RLF: variants seen among roughly 807,000 people sequenced by gnomAD.
The protein encoded by RLF is zinc finger protein Rlf.
A neutral mutation model predicts 162.9 loss-of-function variants in RLF; 7 were observed. The ratio of observed to expected loss-of-function variants is 0.04; its 90% CI spans 0.02 to 0.08. RLF has a LOEUF of 0.08. Ranked by LOEUF, RLF falls within the 10% of genes least tolerant of loss-of-function variation. The pLI, the probability that RLF is intolerant of heterozygous loss-of-function variation, is 1.00. For synonymous variants in RLF, 782 were observed against 791.5 expected, an observed-to-expected ratio of 0.99 and a Z score of 0.20; for missense variants, 1,664 against 2,244.7, an observed-to-expected ratio of 0.74 and a Z score of 5.23.
At chr1:40,223,330 TA>T (rs1643020825) in intron 6 of RLF, among the ~76,000 whole-genome samples, 2 of 152,198 alleles carry the variant, frequency 1.3e-5, no homozygotes, top group Non-Finnish European at 2.9e-5. Context: ...AGGAAACCTC[TA>T]AAATGTAAGA....
chr1:40,190,956 A>T, intron 3 of RLF, 103 bp downstream of exon 3: 1 of 587,964 alleles, frequency 1.7e-6, no homozygotes, highest in African/African-American at 1.9e-5. Flanking sequence ...CAAGTTTATT[A>T]TATATTGATA....
chr1:40,188,265 C>T (rs969072973), intron 1 of RLF, among the ~76,000 whole-genome samples: 1 of 152,128 alleles, frequency 6.6e-6, no homozygotes. Context: ...GCCAGCTTTC[C>T]ACCATCATTT....
At chr1:40,228,447 G>C (rs925218344) in intron 6 of RLF, among the ~76,000 whole-genome samples, 1 of 150,708 alleles carries the variant, frequency 6.6e-6, no homozygotes, top group African/African-American at 2.4e-5. Flanking sequence ...TGGGCGTGGT[G>C]GTGGGTGCCT....
chr1:40,180,819 A>G (rs928599811), intron 1 of RLF, among the ~76,000 whole-genome samples: 2 of 151,978 alleles, frequency 1.3e-5, no homozygotes, highest in African/African-American at 4.8e-5. Flanking sequence ...GATTTGCTGT[A>G]TTTTCTCCCA....
chr1:40,169,941 C>T (rs776043260), intron 1 of RLF, among the ~76,000 whole-genome samples: 1 of 152,056 alleles, frequency 6.6e-6, no homozygotes, highest in Non-Finnish European at 1.5e-5. Flanking sequence ...CCACCCACCT[C>T]ACCCTCCCAA....
At chr1:40,232,958 C>T (rs931983883) in intron 7 of RLF, among the ~76,000 whole-genome samples, 3 of 151,948 alleles carry the variant, frequency 2.0e-5, no homozygotes, top group Admixed American at 6.6e-5. Context: ...AAGCAATTCT[C>T]CCACCTCAGC....
rs1220270797 is a variant in RLF at position 40,238,093 on chromosome 1, C to G, written c.3391C>G (p.Leu1131Val). 6.2e-7 allele frequency: 1 copy of G among 1,614,028 alleles called. No individual in the cohort carries two copies. The highest frequency in any genetic ancestry group is 2.2e-5 in the East Asian group (1 of 44,892). The change falls in exon 8 of 8, where the codon CTT (leucine) becomes GTT (valine). Residue 1131 changes from leucine (L) to valine (V), a missense_variant. By Grantham distance (32) the Leu-to-Val change is conservative. Transcript: ENST00000372771. The surrounding 1 kb of genome is among the most constrained non-coding windows in gnomAD (Gnocchi z 5.2). Reference sequence around the variant, plus strand: ...GGCGGCTAAGCCGTTTTTCTGTGAGCTTCAAGGATGCAAATATGAATTTGT... The same window carrying G: ...GGCGGCTAAGCCGTTTTTCTGTGAGGTTCAAGGATGCAAATATGAATTTGT... ...QLAAKPFFCE[L>V]QGCKYEFVTR... is the part of the protein sequence containing the mutation.
chr1:40,195,386 T>G (rs1410219819), intron 3 of RLF, among the ~76,000 whole-genome samples: 1 of 151,378 alleles, frequency 6.6e-6, no homozygotes, highest in Non-Finnish European at 1.5e-5. Flanking sequence ...GGGTTGGAGG[T>G]TGCAGTGAGC....
Position 40,166,467 on chromosome 1 carries a change from A to G in RLF, c.237+4831A>G, listed in dbSNP as rs1230145695. 2.6e-5 allele frequency among the ~76,000 whole-genome samples: 4 copies of G among 152,218 alleles called. No homozygotes were observed. In the South Asian group the frequency reaches 8.3e-4, roughly 32 times the overall value. ...TCCTCAAGGATCTAGAACTAGAAATATAGAAATACCATTTGACCCAGCCAT... is the reference window on the plus strand; with the variant it reads ...TCCTCAAGGATCTAGAACTAGAAATGTAGAAATACCATTTGACCCAGCCAT... On this transcript the variant is annotated intron_variant, in intron 1 of 7. Transcript: ENST00000372771.
At chr1:40,176,804 C>T (rs1407451791) in intron 1 of RLF, among the ~76,000 whole-genome samples, 6 of 152,062 alleles carry the variant, frequency 3.9e-5, no homozygotes. Context: ...TCTTCTTTGA[C>T]GAAGTGTCCA....
At position 40,238,352 on chromosome 1, in the gene RLF, C is replaced by T. The variant is rs1643244844; in HGVS notation, c.3650C>T (p.Pro1217Leu). 6.2e-7 allele frequency: 1 copy of T among 1,614,074 alleles called. No individual in the cohort carries two copies. The highest frequency in any genetic ancestry group is 8.5e-7 in the Non-Finnish European group (1 of 1,180,008). ...AATGAAAAGTGTGATCATGAAGGCC[C>T]ATGTTCAGTAGATAGGTTGAAAGGT... Reference protein sequence around the residue: ...LDNEKCDHEGPCSVDRLKGDC... With the variant: ...LDNEKCDHEGLCSVDRLKGDC... The change falls in exon 8 of 8, where the codon CCA becomes CTA. Residue 1217 changes from proline (P) to leucine (L), a missense_variant. Physicochemically the swap from Pro to Leu is moderately conservative, Grantham distance 98. Around this residue, in one of 15 missense-constraint regions of RLF, gnomAD observed 102 missense variants for 109.5 expected, o/e 0.93. Transcript: ENST00000372771. The surrounding 1 kb of genome is among the most constrained non-coding windows in gnomAD (Gnocchi z 5.2).
At chr1:40,182,037 A>G (rs1170576837) in intron 1 of RLF, among the ~76,000 whole-genome samples, 2 of 152,192 alleles carry the variant, frequency 1.3e-5, no homozygotes, top group African/African-American at 4.8e-5. Flanking sequence ...TATCCACACA[A>G]AGTTGTGCAG....
intron 4 of RLF, among the ~76,000 whole-genome samples, chr1:40,201,255 T>A (rs2124542095): frequency 6.6e-6 from 1 of 151,962 alleles, no homozygotes; most frequent in South Asian, 2.1e-4. Flanking sequence ...TGGCTTGACA[T>A]GCAATATTCT....
chr1:40,198,770 G>A (rs1179850157), intron 4 of RLF, among the ~76,000 whole-genome samples: 1 of 152,056 alleles, frequency 6.6e-6, no homozygotes, highest in Non-Finnish European at 1.5e-5. Flanking sequence ...GGAAGGAAGG[G>A]TATAAAACTA....
At chr1:40,176,677 A>T (rs1205485215) in intron 1 of RLF, among the ~76,000 whole-genome samples, 3 of 152,130 alleles carry the variant, frequency 2.0e-5, no homozygotes, top group Non-Finnish European at 4.4e-5. Flanking sequence ...TTTTGGTCTC[A>T]AACGATCCTC....
chr1:40,205,841 T>C (rs889619692), intron 5 of RLF, among the ~76,000 whole-genome samples: 3 of 152,172 alleles, frequency 2.0e-5, no homozygotes, highest in East Asian at 3.8e-4. Flanking sequence ...CCTGGCAGTA[T>C]ACCATATCAC....
At position 40,187,072 on chromosome 1, in the gene RLF, G is replaced by A. The variant is rs540526888; in HGVS notation, c.238-1983G>A. On this transcript the variant is annotated intron_variant, in intron 1 of 7. Coordinates refer to ENST00000372771, the MANE Select transcript of RLF (RefSeq NM_012421.4). ...TTTTTTGAGACAGTCTTGCTGTGTC[G>A]CCAGGCTGGAGTGCAGTGGCGCAAT... Among the ~76,000 whole-genome samples the A allele has an allele frequency of 3.4e-4, 49 of 143,394 alleles. 1 individual carries two copies. Among genetic ancestry groups the A allele is most frequent in the Non-Finnish European group, 5.1e-4 (33 of 64,392 alleles). The allele number at this position is 143,394 out of a possible 152,430, so 94.1% of individuals were successfully genotyped here. A position where few individuals can be genotyped will look rare whatever the true frequency, so the allele number is the denominator to read the frequency against.
intron 1 of RLF, among the ~76,000 whole-genome samples, chr1:40,179,482 C>T (rs1169648888): frequency 6.6e-6 from 1 of 151,870 alleles, no homozygotes; most frequent in African/African-American, 2.4e-5. Flanking sequence ...CTTCCTTTTG[C>T]ATGATCATCC....
intron 1 of RLF, among the ~76,000 whole-genome samples, chr1:40,164,847 T>C (rs928027260): frequency 2.0e-5 from 3 of 152,186 alleles, no homozygotes; most frequent in African/African-American, 7.2e-5. Context: ...GAGACACTTT[T>C]AGGTTCAAGA....
Sources: gnomAD v4.1 joint callset for allele counts (sites outside exome capture counted in the v4.1 genomes callset) on GRCh38, gnomAD v4.1.1 for gene constraint, gnomAD v4.1.1 regional missense constraint, Gnocchi (gnomAD v3.1) non-coding constraint, MANE v1.5 for transcripts, NCBI Gene and HGNC (gene_info 2026-07-23, HGNC 2026-07-21) for gene names.